Variants in CRHR1 observed in about 807,000 individuals in gnomAD.
CRHR1 encodes corticotropin-releasing hormone receptor 1.
In CRHR1, 28 loss-of-function variants were observed where a neutral mutation model predicts 56.0. That is an observed-to-expected ratio of 0.50 (90% CI 0.37 to 0.69). CRHR1 has a LOEUF of 0.69. Among genes scored for constraint, CRHR1 ranks in the 30% least tolerant of loss-of-function variants. CRHR1 has a pLI of 0.00. For synonymous variants in CRHR1, 195 were observed against 216.5 expected (o/e 0.90, Z 0.87); for missense variants, 376 against 548.0 (o/e 0.69, Z 3.13).
chr17:45,805,950 C>A (rs1221690030), intron 1 of CRHR1, among the ~76,000 whole-genome samples: 1 of 152,206 alleles, frequency 6.6e-6, no homozygotes, highest in Non-Finnish European at 1.5e-5. Context: ...GTGCAATGAA[C>A]AAAATCCCTG....
At chr17:45,808,510 G>A (rs1422642457) in intron 2 of CRHR1, among the ~76,000 whole-genome samples, 1 of 152,226 alleles carries the variant, frequency 6.6e-6, no homozygotes, top group African/African-American at 2.4e-5. Context: ...TTGCCCAAGT[G>A]TAGAGGGATA....
At chr17:45,802,586 G>C (rs1355373342) in intron 1 of CRHR1, among the ~76,000 whole-genome samples, 1 of 152,228 alleles carries the variant, frequency 6.6e-6, no homozygotes, top group East Asian at 1.9e-4. Flanking sequence ...CACAGAGCAA[G>C]AGGTGGCACA....
Position 45,784,801 on chromosome 17 carries a change from C to T in CRHR1, c.33+224C>T, listed in dbSNP as rs548157597. Among the ~76,000 whole-genome samples, 2 of 152,126 alleles carry T rather than the reference C, an allele frequency of 1.3e-5. No individual in the cohort carries two copies. The highest frequency in any genetic ancestry group is 1.9e-4 in the East Asian group (1 of 5,168). ...AGAAAAGAAATCGTGGCGAAGCCGC[C>T]GGGATGTTGGCGGAGGAGGGGGTCC... On this transcript the variant is annotated intron_variant, in intron 1 of 12. Transcript: ENST00000314537. The surrounding 1 kb of genome is among the most constrained non-coding windows in gnomAD (Gnocchi z 4.2).
At chr17:45,825,901 A>T (rs1285413137) in intron 4 of CRHR1, 1 of 152,370 alleles carries the variant, frequency 6.6e-6, no homozygotes, top group East Asian at 1.9e-4. Context: ...GAGAGGCATC[A>T]GGACGGATCT....
intron 4 of CRHR1, chr17:45,825,714 G>GCTC (rs1394239845): frequency 6.5e-6 from 1 of 153,430 alleles, no homozygotes; most frequent in Non-Finnish European, 1.5e-5. Context: ...ATCTCTGCGT[G>GCTC]CTCCTCTGCG....
chr17:45,833,841 T>G lies in CRHR1; in HGVS notation c.1057T>G (p.Ser353Ala). ...VFIYFNSFLE[S>A]FQGFFVSVFY... ...CATCTACTTCAACTCCTTCCTGGAA[T>G]CCTTCCAGGTACAGCCCTGGAGGGA... Residue 353 changes from serine to alanine, a missense_variant, in exon 11 of 13, where the codon TCC becomes GCC. By Grantham distance (99) the Ser-to-Ala change is moderately conservative. Around this residue, in one of 2 missense-constraint regions of CRHR1, gnomAD observed 369 missense variants for 519.5 expected, o/e 0.71. Coordinates refer to ENST00000314537, the MANE Select transcript of CRHR1 (RefSeq NM_004382.5). 1 of 1,613,598 alleles carries G rather than the reference T, an allele frequency of 6.2e-7. No individual in the cohort carries two copies. The highest frequency in any genetic ancestry group is 1.3e-5 in the African/African-American group (1 of 75,002).
At chr17:45,806,628 C>A (rs1221452256) in intron 1 of CRHR1, among the ~76,000 whole-genome samples, 1 of 152,150 alleles carries the variant, frequency 6.6e-6, no homozygotes, top group Non-Finnish European at 1.5e-5. Context: ...TGTGTGTGTG[C>A]ACATGCACAC....
Position 45,797,307 on chromosome 17 carries a change from T to TTTC in CRHR1, c.34-9702_34-9701insTCT, listed in dbSNP as rs1568034430. Among the ~76,000 whole-genome samples, 14 of 137,224 alleles carry TTTC rather than the reference T, an allele frequency of 1.0e-4. 1 individual carries two copies. The highest frequency in any genetic ancestry group is 2.4e-4 in the South Asian group (1 of 4,248). The allele number at this position is 137,224 out of a possible 152,430, so 90.0% of individuals were successfully genotyped here. ...TCTTTTTTTTTTTTTTTTTTTTTTT[T>TTTC]TGAGACGGAGTCTCGCTGTGTCACC... On this transcript the variant is annotated intron_variant, in intron 1 of 12. Transcript: ENST00000314537.
chr17:45,812,633 T>A, intron 2 of CRHR1, among the ~76,000 whole-genome samples: 1 of 152,208 alleles, frequency 6.6e-6, no homozygotes, highest in East Asian at 1.9e-4. Context: ...CCTTCTCCCC[T>A]TCCCAGCTAG....
Position 45,834,872 on chromosome 17 carries a change from T to A in CRHR1, c.*108T>A. 1 of 1,454,738 alleles carries A rather than the reference T, an allele frequency of 6.9e-7. No homozygotes were observed. 90.1% of individuals were successfully genotyped at this position (1,454,738 alleles called of 1,614,324 possible). On this transcript the variant is annotated 3_prime_UTR_variant, in exon 13 of 13. Coordinates refer to ENST00000314537, the MANE Select transcript of CRHR1 (RefSeq NM_004382.5). ...GTGACCTGTTAGGTCTCATGCCCACTCCCCCAGGAGCAGCTGGCACTGACA... is the reference window on the plus strand; with the variant it reads ...GTGACCTGTTAGGTCTCATGCCCACACCCCCAGGAGCAGCTGGCACTGACA...
chr17:45,787,159 A>G (rs1414893435), intron 1 of CRHR1, among the ~76,000 whole-genome samples: 2 of 152,164 alleles, frequency 1.3e-5, no homozygotes, highest in South Asian at 2.1e-4. Context: ...GTCCTGGGGG[A>G]AAATGTGTGT....
chr17:45,824,561 C>T (rs2062116996), intron 4 of CRHR1, among the ~76,000 whole-genome samples: 1 of 152,196 alleles, frequency 6.6e-6, no homozygotes, highest in Admixed American at 6.5e-5. Context: ...TGCCCTGCAA[C>T]ACCCAACCCT....
In CRHR1 at chr17:45,784,634, G is replaced by T; in HGVS notation, c.33+57G>T. 1.3e-6 allele frequency: 2 copies of T among 1,516,484 alleles called. No individual in the cohort carries two copies. The highest frequency in any genetic ancestry group is 1.2e-5 in the South Asian group (1 of 80,534). The allele number at this position is 1,516,484 out of a possible 1,614,324, so 93.9% of individuals were successfully genotyped here. A position where few individuals can be genotyped will look rare whatever the true frequency, so the allele number is the denominator to read the frequency against. ...GGCGCCCCCGGCCCCTGGCGGACGC[G>T]GGACGGGGCTGGGCTGTGGGTGTGA... On this transcript the variant is annotated intron_variant, in intron 1 of 12. Coordinates refer to ENST00000314537, the MANE Select transcript of CRHR1 (RefSeq NM_004382.5). This position sits in a 1 kb window ranked among gnomAD's most constrained non-coding sequence, Gnocchi z 4.2.
At chr17:45,798,638 G>A (rs900863495) in intron 1 of CRHR1, among the ~76,000 whole-genome samples, 1 of 152,068 alleles carries the variant, frequency 6.6e-6, no homozygotes, top group Non-Finnish European at 1.5e-5. Context: ...CTCTGGAGCT[G>A]GGGTCTCATG....
chr17:45,821,555 C>T (rs2062042314), intron 4 of CRHR1, 115 bp downstream of exon 4: 2 of 981,136 alleles, frequency 2.0e-6, no homozygotes, highest in African/African-American at 3.2e-5. Flanking sequence ...AGGCCCTGCT[C>T]TAGTGAAGCT....
At chr17:45,822,019 C>G (rs2062052910) in intron 4 of CRHR1, among the ~76,000 whole-genome samples, 1 of 152,216 alleles carries the variant, frequency 6.6e-6, no homozygotes, top group South Asian at 2.1e-4. Flanking sequence ...CAGAGGCAAC[C>G]ATTTTGCCAA....
At chr17:45,798,995 T>C (rs888358079) in intron 1 of CRHR1, among the ~76,000 whole-genome samples, 3 of 152,188 alleles carry the variant, frequency 2.0e-5, no homozygotes, top group Admixed American at 2.0e-4. Flanking sequence ...GAACTGGTTG[T>C]GGCTGTCACA....
intron 8 of CRHR1, 140 bp from the exon 9 acceptor site, chr17:45,832,998 A>G (rs2062348835): frequency 2.7e-6 from 2 of 732,000 alleles, no homozygotes; most frequent in Non-Finnish European, 4.9e-6. Flanking sequence ...AAGTGACTTG[A>G]CCTTCTGCCA....
intron 1 of CRHR1, among the ~76,000 whole-genome samples, chr17:45,806,277 C>T (rs979886397): frequency 4.6e-5 from 7 of 152,214 alleles, no homozygotes; most frequent in Admixed American, 2.0e-4. Context: ...CAGAGTGACA[C>T]GGAGCCTTCA....
Sources: gnomAD v4.1 joint callset for allele counts (sites outside exome capture counted in the v4.1 genomes callset) on GRCh38, gnomAD v4.1.1 for gene constraint, gnomAD v4.1.1 regional missense constraint, Gnocchi (gnomAD v3.1) non-coding constraint, MANE v1.5 for transcripts, NCBI Gene and HGNC (gene_info 2026-07-23, HGNC 2026-07-21) for gene names.